The following ADAM33 variants were observed in gnomAD, a reference collection of about 807,000 sequenced individuals.
The protein encoded by ADAM33 is ADAM metallopeptidase domain 33.
Under a neutral mutation model 106.2 loss-of-function variants are expected in ADAM33, and 103 were observed. That is an observed-to-expected ratio of 0.97 (90% CI 0.83 to 1.14). The LOEUF is 1.14. Ranked by LOEUF, ADAM33 falls within the 50% of genes most tolerant of loss-of-function variation. The pLI is 0.00. For synonymous variants in ADAM33, 483 were observed against 453.0 expected (o/e 1.07, Z -0.84); for missense variants, 1,120 against 1,096.6 (o/e 1.02, Z -0.30).
At chr20:3,679,325 A>G (rs917659409) in intron 2 of ADAM33, among the ~76,000 whole-genome samples, 167 bp downstream of exon 2, 14 of 151,924 alleles carry the variant, frequency 9.2e-5, no homozygotes, top group Middle Eastern at 6.8e-3. Context: ...TCCAAACCCC[A>G]GTGCCTTCTT....
Position 3,671,734 on chromosome 20 carries a change from G to T in ADAM33, c.1752C>A (p.Ser584Arg), listed in dbSNP as rs1363660039. ...CTGGCACCATGTGCGGTGCGAGCAG[G>T]CTGGGCTTTCCACCCTGGCACTGCA... ...GKLQCQGGKP[S>R]LLAPHMVPVD... is the part of the protein sequence containing the mutation. The change falls in exon 16 of 22, where the codon AGC becomes AGA. Residue 584 changes from serine (S) to arginine (R), a missense_variant. Coordinates refer to ENST00000356518, the MANE Select transcript of ADAM33 (RefSeq NM_025220.5). 1.3e-6 allele frequency: 2 copies of T among 1,582,562 alleles called. No individual in the cohort carries two copies. Among genetic ancestry groups the T allele is most frequent in the East Asian group, 2.3e-5 (1 of 42,888 alleles).
Position 3,671,956 on chromosome 20 carries a change from G to A in ADAM33, c.1627C>T (p.Gln543Ter). The A allele has an allele frequency of 6.4e-7, 1 of 1,556,268 alleles. No individual in the cohort carries two copies. Reference protein sequence around the residue: ...GSHPAPEACFQVVNSAGDAHG... With the variant: ...GSHPAPEACF ...GCATCTCCCGCAGAGTTCACCACCTGGAAACAGGCCTCGGGAGCTGGGTGG... is the reference window on the plus strand; with the variant it reads ...GCATCTCCCGCAGAGTTCACCACCTAGAAACAGGCCTCGGGAGCTGGGTGG... The change falls in exon 15 of 22, where the codon CAG (glutamine) becomes TAG (stop). Residue 543 changes from glutamine (Q) to a stop codon, truncating the protein, a stop_gained. Coordinates refer to ENST00000356518, the MANE Select transcript of ADAM33 (RefSeq NM_025220.5). LOFTEE classifies it high-confidence loss of function.
intron 8 of ADAM33, 66 bp downstream of exon 8, chr20:3,673,998 C>T (rs1255582571): frequency 1.8e-5 from 29 of 1,609,818 alleles, no homozygotes; most frequent in Non-Finnish European, 2.3e-5. Context: ...TTCCCCAAAC[C>T]CCACCAGCAC....
chr20:3,672,947 C>A (rs752614653), intron 11 of ADAM33, 49 bp from the exon 12 acceptor site: 1 of 1,480,578 alleles, frequency 6.8e-7, no homozygotes, highest in Non-Finnish European at 8.9e-7. Flanking sequence ...TCCCCCAACC[C>A]CCGCGCTTCT....
intron 5 of ADAM33, 23 bp downstream of exon 5, chr20:3,674,750 C>T (rs1023037906): frequency 2.5e-6 from 4 of 1,597,470 alleles, no homozygotes; most frequent in Non-Finnish European, 2.6e-6. Flanking sequence ...ATCCCAGGCC[C>T]AGCCTCCTCT....
intron 2 of ADAM33, among the ~76,000 whole-genome samples, chr20:3,677,915 G>C (rs1319748152): frequency 6.6e-6 from 1 of 152,234 alleles, no homozygotes; most frequent in Non-Finnish European, 1.5e-5. Context: ...AGCCGGCCCA[G>C]GAGCTTCCTG....
chr20:3,668,878 C>T lies in ADAM33; in HGVS notation c.*85G>A, dbSNP rs2087346623. ...CAGGTGCTGGAGGTCCGGTGATTCA[C>T]TGGCTCTGCCCCTGCAGTTCAAGTT... On this transcript the variant is annotated 3_prime_UTR_variant, in exon 22 of 22. Transcript: ENST00000356518. 8.6e-6 allele frequency: 13 copies of T among 1,508,522 alleles called. No homozygotes were observed. In the South Asian group the frequency reaches 1.4e-4, roughly 16 times the overall value. The allele number at this position is 1,508,522 out of a possible 1,614,324, so 93.4% of individuals were successfully genotyped here. A position where few individuals can be genotyped will look rare whatever the true frequency, so the allele number is the denominator to read the frequency against.
intron 3 of ADAM33, among the ~76,000 whole-genome samples, chr20:3,676,720 C>A (rs1377025500): frequency 6.6e-6 from 1 of 152,162 alleles, no homozygotes; most frequent in Non-Finnish European, 1.5e-5. Context: ...ATCTTGGTCC[C>A]TGCCATTCCC....
rs778087533 is a variant in ADAM33 at position 3,671,168 on chromosome 20, G to A, written c.2093-15C>T. 3.7e-6 allele frequency: 6 copies of A among 1,613,110 alleles called. No homozygotes were observed. The African/African-American group carries it at 6.7e-5, about 18-fold the overall frequency. On this transcript the variant is annotated splice_polypyrimidine_tract_variant and intron_variant, in intron 18 of 21. Transcript: ENST00000356518. ...GGTGTCATGGTCTGCGGGGATTGGGGGAAGGGGCGCTGAGTCCTGAGCAGG... is the reference window on the plus strand; with the variant it reads ...GGTGTCATGGTCTGCGGGGATTGGGAGAAGGGGCGCTGAGTCCTGAGCAGG...
chr20:3,672,944 AC>A, intron 11 of ADAM33, 46 bp from the exon 12 acceptor site: 1 of 1,483,304 alleles, frequency 6.7e-7, no homozygotes, highest in African/African-American at 1.4e-5. Flanking sequence ...CAGTCCCCCA[AC>A]CCCCGCGCTT....
At chr20:3,670,892 C>T (rs2087488841) in intron 19 of ADAM33, 114 bp downstream of exon 19, 1 of 1,391,092 alleles carries the variant, frequency 7.2e-7, no homozygotes, top group Non-Finnish European at 9.4e-7. Flanking sequence ...TCTGGGGCTG[C>T]TCTCTGCACC....
chr20:3,677,731 T>A (rs1048226174), intron 2 of ADAM33, among the ~76,000 whole-genome samples: 3 of 152,174 alleles, frequency 2.0e-5, no homozygotes, highest in Admixed American at 6.5e-5. Flanking sequence ...ACCCACGAAG[T>A]AAACATGGAC....
At chr20:3,672,098 G>A (rs2087574607) in intron 14 of ADAM33, 36 bp downstream of exon 14, 8 of 1,597,474 alleles carry the variant, frequency 5.0e-6, no homozygotes, top group Non-Finnish European at 6.8e-6. Context: ...ACCAGAGGAT[G>A]GGGGGCAGGG....
intron 2 of ADAM33, 99 bp from the exon 3 acceptor site, chr20:3,677,242 G>A: frequency 9.3e-7 from 1 of 1,069,832 alleles, no homozygotes; most frequent in South Asian, 1.7e-5. Flanking sequence ...GGAAGTTCTT[G>A]GGGAGAACGT....
rs1369597867 is a variant in ADAM33, at chr20:3,672,631, G to C, written c.1312-5C>G. On this transcript the variant is annotated splice_region_variant and splice_polypyrimidine_tract_variant and intron_variant, in intron 12 of 21. Transcript: ENST00000356518. Reference sequence around the variant, plus strand: ...GCAGCAGAGGTCGCGGCACTCCTGGGACCAGAAAGGCAAGAAGGGCCCAGG... The same window carrying C: ...GCAGCAGAGGTCGCGGCACTCCTGGCACCAGAAAGGCAAGAAGGGCCCAGG... 1.9e-6 allele frequency: 3 copies of C among 1,613,212 alleles called. No homozygotes were observed. The highest frequency in any genetic ancestry group is 2.7e-5 in the African/African-American group (2 of 74,940).
In ADAM33 at chr20:3,674,283, C is replaced by A. The variant is rs2087787072; in HGVS notation, c.602G>T (p.Gly201Val). ...TSLPGGPQSRGRREARRTRKY... is the reference protein window; with the variant it reads ...TSLPGGPQSRVRREARRTRKY... ...CCGGGTCCTGCGCGCTTCTCGCCTG[C>A]CCTGCGGAGGTGCAAATGGGGACCC... The change falls in exon 7 of 22, where the codon GGC (glycine) becomes GTC (valine). Residue 201 changes from glycine to valine, a missense_variant and splice_region_variant. By Grantham distance (109) the Gly-to-Val change is moderately radical. Coordinates refer to ENST00000356518, the MANE Select transcript of ADAM33 (RefSeq NM_025220.5). The A allele has an allele frequency of 6.2e-7, 1 of 1,613,748 alleles. No homozygotes were observed. The highest frequency in any genetic ancestry group is 1.1e-5 in the South Asian group (1 of 91,096).
At position 3,679,199 on chromosome 20, in the gene ADAM33, T is replaced by C. The variant is rs1044911830; in HGVS notation, c.177+293A>G. Among the ~76,000 whole-genome samples the C allele has an allele frequency of 3.5e-5, 5 of 144,734 alleles. No homozygotes were observed. The Admixed American group carries it at 3.5e-4, about 10-fold the overall frequency. 95.0% of individuals were successfully genotyped at this position (144,734 alleles called of 152,430 possible). On this transcript the variant is annotated intron_variant, in intron 2 of 21. Transcript: ENST00000356518. ...CAGGACCCACAAACTCTGGACCCAT[T>C]TCTGCCTGGTGGGGGTGGGGGTGGC... is the stretch of plus-strand genomic sequence containing the variant.
intron 13 of ADAM33, 46 bp from the exon 14 acceptor site, chr20:3,672,375 C>T: frequency 6.3e-7 from 1 of 1,599,624 alleles, no homozygotes; most frequent in Non-Finnish European, 8.5e-7. Flanking sequence ...AGGCCACGTG[C>T]AGTGAGAGGT....
chr20:3,674,430 T>C, intron 6 of ADAM33, 74 bp downstream of exon 6: 2 of 1,602,394 alleles, frequency 1.2e-6, no homozygotes, highest in East Asian at 2.2e-5. Context: ...TCGAGGCCTG[T>C]GAATTCCCGT....
Sources: allele counts gnomAD v4.1 joint callset (sites outside exome capture counted in the v4.1 genomes callset), GRCh38; gene constraint gnomAD v4.1.1; transcripts MANE v1.5; gene names NCBI Gene and HGNC (gene_info 2026-07-23, HGNC 2026-07-21).